The following TTC29 variants were observed in gnomAD, a reference collection of about 807,000 sequenced individuals.
TTC29 encodes the protein tetratricopeptide repeat protein 29.
TTC29 carries 49 observed loss-of-function variants against 58.1 expected under a neutral mutation model. The ratio of observed to expected loss-of-function variants is 0.84; its 90% CI spans 0.67 to 1.07. The LOEUF (loss-of-function observed/expected upper bound fraction) is 1.07, where lower values mean the gene tolerates loss of function less well. Among genes scored for constraint, TTC29 ranks in the 50% least tolerant of loss-of-function variants. TTC29 has a pLI of 0.00. For missense variants in TTC29, 582 were observed against 555.6 expected (o/e 1.05, Z -0.48); for synonymous variants, 209 against 196.8 (o/e 1.06, Z -0.52).
chr4:146,757,121 A>G (rs1306630810), intron 11 of TTC29, among the ~76,000 whole-genome samples: 1 of 151,628 alleles, frequency 6.6e-6, no homozygotes, highest in Non-Finnish European at 1.5e-5. Flanking sequence ...TTGTCATATT[A>G]TCAGGGTTGT....
At chr4:146,767,883 A>C (rs1747446224) in intron 11 of TTC29, among the ~76,000 whole-genome samples, 1 of 152,090 alleles carries the variant, frequency 6.6e-6, no homozygotes, top group South Asian at 2.1e-4. Context: ...TTGTGTGTTG[A>C]AAACCATCTA....
At chr4:146,935,420 T>C (rs941214578) in intron 4 of TTC29, among the ~76,000 whole-genome samples, 1 of 152,196 alleles carries the variant, frequency 6.6e-6, no homozygotes, top group African/African-American at 2.4e-5. Flanking sequence ...TGAGGATATA[T>C]CTTAGACATT....
intron 8 of TTC29, among the ~76,000 whole-genome samples, chr4:146,862,818 A>G (rs1730322676): frequency 6.6e-6 from 1 of 152,192 alleles, no homozygotes; most frequent in Non-Finnish European, 1.5e-5. Context: ...GGAGAATTAA[A>G]TAACAAGAAC....
intron 11 of TTC29, among the ~76,000 whole-genome samples, chr4:146,741,209 G>A (rs1466170179): frequency 2.6e-5 from 4 of 152,204 alleles, no homozygotes; most frequent in Non-Finnish European, 4.4e-5. Context: ...GATCCAGGGT[G>A]TGAAATTTTT....
intron 6 of TTC29, among the ~76,000 whole-genome samples, chr4:146,896,040 T>G (rs1243435476): frequency 6.6e-6 from 1 of 152,176 alleles, no homozygotes. Flanking sequence ...ACTGTGTAGC[T>G]TCTACTGCCA....
chr4:146,736,692 C>T (rs777883559), intron 11 of TTC29, among the ~76,000 whole-genome samples: 94 of 152,116 alleles, frequency 6.2e-4, no homozygotes, highest in Non-Finnish European at 7.1e-4. Context: ...GTAAAGCTAC[C>T]CTGATGACTG....
chr4:146,728,780 TATGTGTATATATAC>T (rs1256672890), intron 11 of TTC29, among the ~76,000 whole-genome samples: 11 of 121,482 alleles, frequency 9.1e-5, no homozygotes, highest in Admixed American at 7.8e-4. Context: ...TACACATATA[TATGTGTATATATAC>T]GTATATATAC....
intron 11 of TTC29, among the ~76,000 whole-genome samples, chr4:146,771,626 TATACATAACACA>T (rs1747734476): frequency 6.6e-6 from 1 of 152,150 alleles, no homozygotes; most frequent in Admixed American, 6.6e-5. Context: ...TTTCATGGTG[TATACATAACACA>T]TTTTCTTTAT....
At chr4:146,896,384 T>C (rs1230265871) in intron 6 of TTC29, among the ~76,000 whole-genome samples, 1 of 152,200 alleles carries the variant, frequency 6.6e-6, no homozygotes, top group African/African-American at 2.4e-5. Context: ...CATTTATTGT[T>C]GCAAAGGAGA....
intron 11 of TTC29, among the ~76,000 whole-genome samples, chr4:146,777,879 TAGA>T (rs1483556426): frequency 3.3e-5 from 5 of 152,168 alleles, no homozygotes; most frequent in African/African-American, 7.2e-5. Flanking sequence ...CTTGAGAAAC[TAGA>T]AGAATGGATT....
chr4:146,751,745 A>G (rs1052038623), intron 11 of TTC29, among the ~76,000 whole-genome samples: 1 of 152,208 alleles, frequency 6.6e-6, no homozygotes, highest in Non-Finnish European at 1.5e-5. Context: ...TACATTAAAA[A>G]AGATGAAAGA....
chr4:146,739,164 G>A (rs1744935565), intron 11 of TTC29, among the ~76,000 whole-genome samples: 1 of 152,138 alleles, frequency 6.6e-6, no homozygotes, highest in African/African-American at 2.4e-5. Flanking sequence ...TATATAAACT[G>A]TCTATTATAG....
At chr4:146,930,100 T>TACAC (rs1343455965) in intron 4 of TTC29, among the ~76,000 whole-genome samples, 7 of 129,532 alleles carry the variant, frequency 5.4e-5, no homozygotes, top group African/African-American at 2.1e-4. Flanking sequence ...TATATATATA[T>TACAC]ATATATATAT....
chr4:146,777,278 T>C (rs1458279793), intron 11 of TTC29, among the ~76,000 whole-genome samples: 1 of 152,206 alleles, frequency 6.6e-6, no homozygotes, highest in East Asian at 1.9e-4. Context: ...GCCTTCCTTT[T>C]TACAGAAGAG....
At chr4:146,890,787 A>T (rs1245671153) in intron 6 of TTC29, among the ~76,000 whole-genome samples, 1 of 152,224 alleles carries the variant, frequency 6.6e-6, no homozygotes, top group Non-Finnish European at 1.5e-5. Context: ...TCCAGAAGCC[A>T]GAAAGTTCTC....
At chr4:146,867,633 T>C (rs1224455095) in intron 7 of TTC29, 50 bp from the exon 8 acceptor site, 1 of 877,078 alleles carries the variant, frequency 1.1e-6, no homozygotes, top group South Asian at 1.8e-5. Flanking sequence ...AATGATTTAT[T>C]ACAACAAACA....
At chr4:146,841,041 T>C (rs1194719447) in intron 8 of TTC29, among the ~76,000 whole-genome samples, 2 of 152,330 alleles carry the variant, frequency 1.3e-5, no homozygotes, top group East Asian at 3.9e-4. Flanking sequence ...TTTATCTTTC[T>C]GATTTCAAAG....
chr4:146,882,820 T>C (rs1032307649), intron 6 of TTC29, among the ~76,000 whole-genome samples: 1 of 152,080 alleles, frequency 6.6e-6, no homozygotes, highest in Non-Finnish European at 1.5e-5. Context: ...ACGTGTTATT[T>C]TGGATATTAC....
At chr4:146,735,900 A>C (rs1326515335) in intron 11 of TTC29, among the ~76,000 whole-genome samples, 1 of 152,170 alleles carries the variant, frequency 6.6e-6, no homozygotes, top group Non-Finnish European at 1.5e-5. Context: ...AAAGGCAGAA[A>C]ATCAAAGGAT....
Sources: gnomAD v4.1 joint callset for allele counts (sites outside exome capture counted in the v4.1 genomes callset) on GRCh38, gnomAD v4.1.1 for gene constraint, MANE v1.5 for transcripts, NCBI Gene and HGNC (gene_info 2026-07-23, HGNC 2026-07-21) for gene names.